HDAC4: variants seen among roughly 807,000 people sequenced by gnomAD.
The protein encoded by HDAC4 is histone deacetylase 4, also known as histone deacetylase A.
Under a neutral mutation model 135.1 loss-of-function variants are expected in HDAC4, and 16 were observed. The ratio of observed to expected loss-of-function variants is 0.12; its 90% CI spans 0.08 to 0.18. The LOEUF (loss-of-function observed/expected upper bound fraction) is 0.18, where lower values mean the gene tolerates loss of function less well. Among genes scored for constraint, HDAC4 ranks in the 10% least tolerant of loss-of-function variants. The pLI, the probability that HDAC4 is intolerant of heterozygous loss-of-function variation, is 1.00. For missense variants in HDAC4, 1,143 were observed against 1,511.8 expected, an observed-to-expected ratio of 0.76 and a Z score of 4.05; for synonymous variants, 685 against 653.4, an observed-to-expected ratio of 1.05 and a Z score of -0.74.
intron 18 of HDAC4, among the ~76,000 whole-genome samples, chr2:239,087,918 C>T (rs957867743): frequency 3.9e-5 from 6 of 152,142 alleles, no homozygotes; most frequent in African/African-American, 1.2e-4. Context: ...GTGCCCTTGG[C>T]TCAGGGGTCG....
chr2:239,352,818 T>C lies in HDAC4; in HGVS notation c.-119A>G, dbSNP rs1441068808. 2.8e-6 allele frequency: 3 copies of C among 1,057,540 alleles called. No individual in the cohort carries two copies. The highest frequency in any genetic ancestry group is 2.9e-6 in the Non-Finnish European group (2 of 699,310). The allele number at this position is 1,057,540 out of a possible 1,614,324, so 65.5% of individuals were successfully genotyped here. A position where few individuals can be genotyped will look rare whatever the true frequency, so the allele number is the denominator to read the frequency against. ...ATACAAGTACCGGGACGGTGAGGGC[T>C]GGGTCACAGACGTTCAAGCGCCGAG... is the stretch of plus-strand genomic sequence containing the variant. On this transcript the variant is annotated 5_prime_UTR_variant, in exon 2 of 27. Coordinates refer to ENST00000543185, the MANE Select transcript of HDAC4 (RefSeq NM_001378414.1). This position sits in a 1 kb window ranked among gnomAD's most constrained non-coding sequence, Gnocchi z 4.4.
chr2:239,369,450 T>C (rs1694452667), intron 1 of HDAC4, among the ~76,000 whole-genome samples: 1 of 152,136 alleles, frequency 6.6e-6, no homozygotes, highest in Non-Finnish European at 1.5e-5. Context: ...ACCCGGTTGG[T>C]TTCCCAAGCA....
At chr2:239,179,384 A>G (rs1488457977) in intron 4 of HDAC4, among the ~76,000 whole-genome samples, 4 of 152,210 alleles carry the variant, frequency 2.6e-5, no homozygotes, top group African/African-American at 9.7e-5. Flanking sequence ...TTCCCGCCAG[A>G]GCTCAAGCTC....
At position 239,167,137 on chromosome 2, in the gene HDAC4, C is replaced by T. The variant is rs115746706; in HGVS notation, c.491-3214G>A. Among the ~76,000 whole-genome samples the T allele has an allele frequency of 0.01, 1,545 of 151,962 alleles. 24 individuals are homozygous for T. Among genetic ancestry groups the T allele is most frequent in the African/African-American group, 0.036 (1,490 of 41,412 alleles). ...AGAAGCAGGTTCTCGGTGTGCGGGA[C>T]GAGGACGCCCTCAACACTTTCCAGT... is the stretch of plus-strand genomic sequence containing the variant. On this transcript the variant is annotated intron_variant, in intron 5 of 26. Coordinates refer to ENST00000543185, the MANE Select transcript of HDAC4 (RefSeq NM_001378414.1). This position sits in a 1 kb window ranked among gnomAD's most constrained non-coding sequence, Gnocchi z 4.1.
intron 1 of HDAC4, among the ~76,000 whole-genome samples, chr2:239,369,483 G>C (rs767285982): frequency 2.6e-5 from 4 of 152,142 alleles, no homozygotes; most frequent in Non-Finnish European, 4.4e-5. Flanking sequence ...TCAGAGGTTC[G>C]TTAAACTCCT....
In HDAC4 at chr2:239,086,229, C is replaced by G. The variant is rs768074578; in HGVS notation, c.2444+1330G>C. On this transcript the variant is annotated intron_variant, in intron 19 of 26. Coordinates refer to ENST00000543185, the MANE Select transcript of HDAC4 (RefSeq NM_001378414.1). ...CTATCTCTCACGTACAGTCTCCTCC[C>G]TGCACATGAAGGAGACTCTGCTCTA... Among the ~76,000 whole-genome samples, 3 of 15,368 alleles carry G rather than the reference C, an allele frequency of 2.0e-4. 1 individual carries two copies. The highest frequency in any genetic ancestry group is 6.0e-4 in the African/African-American group (2 of 3,316). 10.1% of individuals were successfully genotyped at this position (15,368 alleles called of 152,430 possible).
Position 239,134,262 on chromosome 2 carries a change from T to C in HDAC4, c.1277A>G (p.Gln426Arg). 2 of 1,611,946 alleles carry C rather than the reference T, an allele frequency of 1.2e-6. No individual in the cohort carries two copies. Among genetic ancestry groups the C allele is most frequent in the Non-Finnish European group, 1.7e-6 (2 of 1,179,984 alleles). Reference protein sequence around the residue: ...HMVLLEQPPAQAPLVTDWYLS... With the variant: ...HMVLLEQPPARAPLVTDWYLS... The stretch of plus-strand genomic sequence containing the variant: ...GTGCTCACCTGTGACGAGGGGTGCT[T>C]GTGCCGGCGGCTGCTCCAGTAAGAC... Residue 426 changes from glutamine (Q) to arginine (R), a missense_variant, in exon 11 of 27, where the codon CAA (glutamine) becomes CGA (arginine). Around this residue, in one of 9 missense-constraint regions of HDAC4, gnomAD observed 272 missense variants for 309.7 expected, o/e 0.88. Coordinates refer to ENST00000543185, the MANE Select transcript of HDAC4 (RefSeq NM_001378414.1).
rs1276375253 is a variant in HDAC4 at position 239,343,136 on chromosome 2, T to C, written c.22+9542A>G. Among the ~76,000 whole-genome samples, 11 of 152,166 alleles carry C rather than the reference T, an allele frequency of 7.2e-5. 1 individual carries two copies. Among genetic ancestry groups the C allele is most frequent in the Admixed American group, 7.2e-4 (11 of 15,282 alleles). ...CAGTTTAAAAGCTCAGGGCCAGATA[T>C]AATTCAAAAAAGTTTAGGTATATGC... On this transcript the variant is annotated intron_variant, in intron 2 of 26. Transcript: ENST00000543185.
intron 4 of HDAC4, among the ~76,000 whole-genome samples, chr2:239,182,930 T>A (rs1056164997): frequency 1.4e-4 from 21 of 152,218 alleles, no homozygotes; most frequent in African/African-American, 5.1e-4. Context: ...GTCACTGGAA[T>A]ACCAAATTCA....
At chr2:239,181,203 G>C (rs2044129242) in intron 4 of HDAC4, among the ~76,000 whole-genome samples, 1 of 152,210 alleles carries the variant, frequency 6.6e-6, no homozygotes, top group Non-Finnish European at 1.5e-5. Context: ...AAGGGGGGTG[G>C]GACTCAATTC....
At position 239,134,231 on chromosome 2, in the gene HDAC4, C is replaced by A; in HGVS notation, c.1294+14G>T. On this transcript the variant is annotated intron_variant, in intron 11 of 26. Transcript: ENST00000543185. ...CCTCAGAGCCTGGCTGCACCCAGGC[C>A]CATTTGTGCTCACCTGTGACGAGGG... is the stretch of plus-strand genomic sequence containing the variant. The A allele has an allele frequency of 6.2e-7, 1 of 1,604,594 alleles. No homozygotes were observed. Among genetic ancestry groups the A allele is most frequent in the Non-Finnish European group, 8.5e-7 (1 of 1,177,046 alleles).
At chr2:239,384,268 C>T (rs892287786) in intron 1 of HDAC4, among the ~76,000 whole-genome samples, 3 of 152,040 alleles carry the variant, frequency 2.0e-5, no homozygotes, top group South Asian at 2.1e-4. Context: ...AAGCCACATT[C>T]GAAATGACAT....
At position 239,139,289 on chromosome 2, in the gene HDAC4, G is replaced by A. The variant is rs775293684; in HGVS notation, c.978+395C>T. On this transcript the variant is annotated intron_variant, in intron 9 of 26. Transcript: ENST00000543185. This position sits in a 1 kb window ranked among gnomAD's most constrained non-coding sequence, Gnocchi z 5.3. The stretch of plus-strand genomic sequence containing the variant: ...TTAGCAACTATACCCACGTGCCCAC[G>A]GCCTCTCAGCCACCCTCAGAGCACT... 2.6e-5 allele frequency among the ~76,000 whole-genome samples: 4 copies of A among 152,112 alleles called. No individual in the cohort carries two copies. The highest frequency in any genetic ancestry group is 5.9e-5 in the Non-Finnish European group (4 of 68,028).
At chr2:239,226,050 G>A (rs4622755) in intron 3 of HDAC4, among the ~76,000 whole-genome samples, 30,899 of 152,124 alleles carry the variant, frequency 0.2, 5,055 homozygotes, top group African/African-American at 0.43. Flanking sequence ...GGTCGGCAAA[G>A]AGCCATCTCC....
intron 7 of HDAC4, among the ~76,000 whole-genome samples, chr2:239,149,526 G>A (rs2041976681): frequency 6.6e-6 from 1 of 152,066 alleles, no homozygotes; most frequent in South Asian, 2.1e-4. Flanking sequence ...CCCCACAGAA[G>A]AACAGGTGAA....
chr2:239,382,824 A>G (rs986013125), intron 1 of HDAC4, among the ~76,000 whole-genome samples: 1 of 152,050 alleles, frequency 6.6e-6, no homozygotes, highest in Non-Finnish European at 1.5e-5. Flanking sequence ...ATCCAGGTTC[A>G]AGCAATTCTC....
At chr2:239,227,153 C>CT (rs1423170074) in intron 3 of HDAC4, among the ~76,000 whole-genome samples, 1 of 152,178 alleles carries the variant, frequency 6.6e-6, no homozygotes, top group African/African-American at 2.4e-5. Flanking sequence ...GGCACAGGGG[C>CT]TGGTGGGACC....
chr2:239,081,077 TG>T lies in HDAC4; in HGVS notation c.2750+17del. On this transcript the variant is annotated intron_variant, in intron 22 of 26. Coordinates refer to ENST00000543185, the MANE Select transcript of HDAC4 (RefSeq NM_001378414.1). ...AAAAGCTGCTACTTCAGGTGTCATG[TG>T]AAGCCGGGAGGCTCACCTGAAGGCC... The T allele has an allele frequency of 6.3e-7, 1 of 1,589,766 alleles. No homozygotes were observed. Among genetic ancestry groups the T allele is most frequent in the Non-Finnish European group, 8.6e-7 (1 of 1,159,212 alleles).
rs1203532987 is a variant in HDAC4 at position 239,401,003 on chromosome 2, T to G, written c.-245A>C. The G allele has an allele frequency of 1.3e-5, 2 of 152,554 alleles. No individual in the cohort carries two copies. Among genetic ancestry groups the G allele is most frequent in the Admixed American group, 6.5e-5 (1 of 15,272 alleles). 9.5% of individuals were successfully genotyped at this position (152,554 alleles called of 1,614,324 possible). On this transcript the variant is annotated 5_prime_UTR_variant, in exon 1 of 27. Transcript: ENST00000543185. ...GTTGAACCATGATGCTTCTCCCCAC[T>G]CCAGCGTCGAGCCAGGCGGCGATAG...
Sources: allele counts gnomAD v4.1 joint callset (sites outside exome capture counted in the v4.1 genomes callset), GRCh38; gene constraint gnomAD v4.1.1; regional missense constraint gnomAD v4.1.1; non-coding constraint Gnocchi (gnomAD v3.1); transcripts MANE v1.5; gene names NCBI Gene and HGNC (gene_info 2026-07-23, HGNC 2026-07-21).